Variants in DNM3 observed in about 807,000 individuals in gnomAD.
DNM3 encodes dynamin 3.
Under a neutral mutation model 101.6 loss-of-function variants are expected in DNM3, and 47 were observed. That is an observed-to-expected ratio of 0.46 (90% CI 0.37 to 0.59). DNM3 has a LOEUF of 0.59. Ranked by LOEUF, DNM3 falls within the 20% of genes least tolerant of loss-of-function variation. The probability of loss-of-function intolerance (pLI) is 0.00; values close to 1 mark genes in which losing one functional copy is unlikely to be tolerated. For synonymous variants in DNM3, 385 were observed against 387.9 expected (o/e 0.99, Z 0.09); for missense variants, 849 against 1,085.7 (o/e 0.78, Z 3.06).
At chr1:171,911,264 C>A (rs1375297731) in intron 1 of DNM3, among the ~76,000 whole-genome samples, 2 of 147,966 alleles carry the variant, frequency 1.4e-5, no homozygotes, top group Non-Finnish European at 3.0e-5. Flanking sequence ...CCTCACTTTA[C>A]CCCAACATCT....
intron 2 of DNM3, among the ~76,000 whole-genome samples, chr1:171,932,038 C>G (rs1346845257): frequency 9.8e-6 from 1 of 101,588 alleles, no homozygotes; most frequent in Non-Finnish European, 2.1e-5. Flanking sequence ...CTCCCTCTCC[C>G]TCTCCCCATC....
intron 1 of DNM3, among the ~76,000 whole-genome samples, chr1:171,898,791 A>G (rs1196989808): frequency 3.3e-5 from 5 of 150,526 alleles, no homozygotes; most frequent in Admixed American, 6.6e-5. Flanking sequence ...TTTTTTTTTC[A>G]TATTTACTAT....
chr1:172,171,387 A>C (rs1000025878), intron 14 of DNM3, among the ~76,000 whole-genome samples: 4 of 151,892 alleles, frequency 2.6e-5, no homozygotes, highest in African/African-American at 9.6e-5. Flanking sequence ...CTGTATGATA[A>C]AAGTATATGA....
intron 15 of DNM3, among the ~76,000 whole-genome samples, chr1:172,277,045 C>CT (rs1166310763): frequency 6.6e-6 from 1 of 151,986 alleles, no homozygotes; most frequent in African/African-American, 2.4e-5. Flanking sequence ...ATTATTCAAC[C>CT]TATAAGTGCT....
chr1:172,119,864 T>C (rs1360023180), intron 13 of DNM3, among the ~76,000 whole-genome samples: 1 of 152,184 alleles, frequency 6.6e-6, no homozygotes, highest in Non-Finnish European at 1.5e-5. Context: ...TTCTCTCCCA[T>C]CTTCCATATC....
At chr1:172,040,180 G>T (rs1394417111) in intron 7 of DNM3, among the ~76,000 whole-genome samples, 1 of 152,068 alleles carries the variant, frequency 6.6e-6, no homozygotes, top group Non-Finnish European at 1.5e-5. Flanking sequence ...GCAGCTAGAA[G>T]TACACTTTCT....
chr1:172,162,798 A>G (rs189483255), intron 14 of DNM3, among the ~76,000 whole-genome samples: 22 of 152,240 alleles, frequency 1.4e-4, no homozygotes, highest in Admixed American at 5.2e-4. Flanking sequence ...TACTGAGATC[A>G]TTATGTGAGA....
chr1:172,184,658 TC>T (rs1394399695), intron 14 of DNM3, among the ~76,000 whole-genome samples: 2 of 152,138 alleles, frequency 1.3e-5, no homozygotes, highest in African/African-American at 4.8e-5. Context: ...GACAAATACT[TC>T]TGGGATGTGT....
intron 1 of DNM3, among the ~76,000 whole-genome samples, chr1:171,846,905 A>C (rs2032195238): frequency 6.6e-6 from 1 of 152,196 alleles, no homozygotes; most frequent in African/African-American, 2.4e-5. Context: ...GATACTTTTC[A>C]TACCTTCTAT....
chr1:172,262,921 G>T (rs1275463007), intron 15 of DNM3, among the ~76,000 whole-genome samples: 1 of 152,048 alleles, frequency 6.6e-6, no homozygotes, highest in East Asian at 1.9e-4. Flanking sequence ...AAAACCTTTT[G>T]GTTACTGAAA....
chr1:172,397,643 T>C (rs899986166), intron 20 of DNM3, among the ~76,000 whole-genome samples: 2 of 152,216 alleles, frequency 1.3e-5, no homozygotes, highest in Admixed American at 1.3e-4. Context: ...CATACTTACA[T>C]TGAAAATTCA....
intron 14 of DNM3, among the ~76,000 whole-genome samples, chr1:172,194,226 C>T (rs565427207): frequency 1.3e-5 from 2 of 152,190 alleles, no homozygotes; most frequent in East Asian, 1.9e-4. Flanking sequence ...GTCTGAGAGA[C>T]AGTTTGTTAT....
chr1:172,057,624 C>T (rs930511680), intron 10 of DNM3, among the ~76,000 whole-genome samples: 2 of 151,898 alleles, frequency 1.3e-5, no homozygotes, highest in Non-Finnish European at 2.9e-5. Flanking sequence ...AAATAAAATA[C>T]TTTACAGACA....
rs779122643 is a variant in DNM3, at chr1:172,042,109, A to G, written c.1093A>G (p.Ile365Val). ...ELSGGAKINR[I>V]FHERFPFEIV... is the part of the protein sequence containing the mutation. ...CTCAGGTGGTGCTAAAATCAATCGT[A>G]TTTTTCATGAACGCTTTCCTTTTGA... Residue 365 changes from isoleucine (I) to valine (V), a missense_variant, in exon 8 of 21, where the codon ATT becomes GTT. Ile to Val is a conservative substitution (Grantham distance 29). Coordinates refer to ENST00000627582, the MANE Select transcript of DNM3 (RefSeq NM_015569.5). 6.8e-6 allele frequency: 11 copies of G among 1,608,810 alleles called. No individual in the cohort carries two copies. In the Admixed American group the frequency reaches 1.5e-4, roughly 22 times the overall value.
chr1:172,255,695 T>C (rs1220640766), intron 15 of DNM3, among the ~76,000 whole-genome samples: 2 of 152,118 alleles, frequency 1.3e-5, no homozygotes, highest in Non-Finnish European at 2.9e-5. Flanking sequence ...TGTACCCACA[T>C]TGGCCATTGT....
At chr1:171,960,073 A>T (rs1345032401) in intron 2 of DNM3, among the ~76,000 whole-genome samples, 1 of 152,186 alleles carries the variant, frequency 6.6e-6, no homozygotes, top group African/African-American at 2.4e-5. Flanking sequence ...TAAAATCAGG[A>T]ATGAAGACTG....
At chr1:172,163,378 A>G (rs144695016) in intron 14 of DNM3, among the ~76,000 whole-genome samples, 8 of 151,608 alleles carry the variant, frequency 5.3e-5, no homozygotes, top group African/African-American at 1.9e-4. Flanking sequence ...AGCTGGGACT[A>G]CAGGTGCATG....
intron 14 of DNM3, among the ~76,000 whole-genome samples, chr1:172,191,560 T>C (rs1397153699): frequency 1.3e-5 from 2 of 152,160 alleles, no homozygotes; most frequent in African/African-American, 4.8e-5. Flanking sequence ...AAGAAAGTCA[T>C]TGGTAGCTTG....
intron 14 of DNM3, among the ~76,000 whole-genome samples, chr1:172,201,656 G>C (rs942743760): frequency 6.6e-6 from 1 of 152,182 alleles, no homozygotes; most frequent in Admixed American, 6.5e-5. Context: ...AGGCACTTAG[G>C]GTTTTTACTC....
Sources: gnomAD v4.1 joint callset for allele counts (sites outside exome capture counted in the v4.1 genomes callset) on GRCh38, gnomAD v4.1.1 for gene constraint, MANE v1.5 for transcripts, NCBI Gene and HGNC (gene_info 2026-07-23, HGNC 2026-07-21) for gene names.